The following PLTP variants were observed in gnomAD, a reference collection of about 807,000 sequenced individuals.
PLTP encodes phospholipid transfer protein, also known as BPI fold containing family E.
A neutral mutation model predicts 54.1 loss-of-function variants in PLTP; 43 were observed. The ratio of observed to expected loss-of-function variants is 0.79; its 90% CI spans 0.62 to 1.02. The LOEUF (loss-of-function observed/expected upper bound fraction) is 1.02. PLTP is among the 50% of genes least tolerant of loss of function. The pLI is 0.00. For missense variants in PLTP, 604 were observed against 645.9 expected, an observed-to-expected ratio of 0.94 and a Z score of 0.70; for synonymous variants, 263 against 264.6, an observed-to-expected ratio of 0.99 and a Z score of 0.06.
chr20:45,905,009 A>G lies in PLTP; in HGVS notation c.815T>C (p.Phe272Ser). The change falls in exon 9 of 16, where the codon TTC (phenylalanine) becomes TCC (serine). Residue 272 changes from phenylalanine to serine, a missense_variant. Physicochemically the swap from Phe to Ser is radical, Grantham distance 155. Coordinates refer to ENST00000372431, the MANE Select transcript of PLTP (RefSeq NM_006227.4). ...RMVYVAFSEF[F>S]FDSAMESYFR... ...GTAGCTCTCCATGGCAGAGTCGAAG[A>G]AGAACTCAGAGAAGGCCACATACAC... 6.2e-7 allele frequency: 1 copy of G among 1,614,164 alleles called. No homozygotes were observed. The highest frequency in any genetic ancestry group is 8.5e-7 in the Non-Finnish European group (1 of 1,180,028).
intron 2 of PLTP, 29 bp from the exon 3 acceptor site, chr20:45,911,280 C>G: frequency 6.2e-7 from 1 of 1,613,692 alleles, no homozygotes; most frequent in Non-Finnish European, 8.5e-7. Flanking sequence ...CCTTACTTAG[C>G]TCCCGTGCCC....
At chr20:45,899,111 C>G in intron 15 of PLTP, 48 bp from the exon 16 acceptor site, 1 of 1,612,358 alleles carries the variant, frequency 6.2e-7, no homozygotes, top group Non-Finnish European at 8.5e-7. Context: ...GTTATTGAGG[C>G]CAGAGTTTAG....
rs751424891 is a variant in PLTP, at chr20:45,906,269, C to T, written c.704G>A (p.Arg235Gln). The T allele has an allele frequency of 2.6e-5, 42 of 1,609,030 alleles. No homozygotes were observed. Among genetic ancestry groups the T allele is most frequent in the Non-Finnish European group, 3.1e-5 (36 of 1,175,464 alleles). Residue 235 changes from arginine to glutamine, a missense_variant and splice_region_variant, in exon 8 of 16, where the codon CGG becomes CAG. Arg to Gln is a conservative substitution (Grantham distance 43). Transcript: ENST00000372431. ...ASTSNLDMDFRGAFFPLTERN... is the reference protein window; with the variant it reads ...ASTSNLDMDFQGAFFPLTERN... Reference sequence around the variant, plus strand: ...CATACACCAGCCCAAGCAGCTCACCCGGAAGTCCATGTCCAGGTTGCTGGT... The same window carrying T: ...CATACACCAGCCCAAGCAGCTCACCTGGAAGTCCATGTCCAGGTTGCTGGT...
intron 13 of PLTP, 24 bp downstream of exon 13, chr20:45,899,812 G>GGGCCCCCC: frequency 3.2e-6 from 1 of 309,346 alleles, no homozygotes; most frequent in Non-Finnish European, 6.2e-6. Context: ...ACCCAGCCCA[G>GGGCCCCCC]CCCACCCACC....
At chr20:45,902,640 G>T in intron 10 of PLTP, 36 bp from the exon 11 acceptor site, 2 of 1,552,660 alleles carry the variant, frequency 1.3e-6, no homozygotes, top group Non-Finnish European at 1.7e-6. Context: ...TCAAGTCCCT[G>T]CCATTTCCTT....
intron 6 of PLTP, 24 bp from the exon 7 acceptor site, chr20:45,907,779 G>A: frequency 6.2e-7 from 1 of 1,612,308 alleles, no homozygotes; most frequent in Non-Finnish European, 8.5e-7. Context: ...GCCAGAGTCA[G>A]GGCCTTCTCA....
chr20:45,901,228 C>T (rs1251386168), intron 12 of PLTP, among the ~76,000 whole-genome samples: 2 of 152,010 alleles, frequency 1.3e-5, no homozygotes, highest in Non-Finnish European at 2.9e-5. Context: ...TAGTATCTAC[C>T]ATATTGGATA....
Position 45,899,816 on chromosome 20 carries a change from A to G in PLTP, c.1218+20T>C. The G allele has an allele frequency of 5.9e-5, 9 of 152,276 alleles. No individual in the cohort carries two copies. Among genetic ancestry groups the G allele is most frequent in the Non-Finnish European group, 1.1e-4 (9 of 84,250 alleles). 9.4% of individuals were successfully genotyped at this position (152,276 alleles called of 1,614,324 possible). ...GGATCTCACGAACCCAGCCCAGCCC[A>G]CCCACCCTTCCCCACTCACAGCCAG... On this transcript the variant is annotated intron_variant, in intron 13 of 15. Transcript: ENST00000372431.
chr20:45,902,510 A>G lies in PLTP; in HGVS notation c.1037T>C (p.Val346Ala), dbSNP rs1426188535. Reference sequence around the variant, plus strand: ...CAGGGCAATGGTGACGCTAGCAGTGACAGAGATGGTGGTGCCAGAGGGCTT... The same window carrying G: ...CAGGGCAATGGTGACGCTAGCAGTGGCAGAGATGGTGGTGCCAGAGGGCTT... Reference protein sequence around the residue: ...TIKPSGTTISVTASVTIALVP... With the variant: ...TIKPSGTTISATASVTIALVP... Residue 346 changes from valine to alanine, a missense_variant, in exon 11 of 16, where the codon GTC (valine) becomes GCC (alanine). Transcript: ENST00000372431. 1 of 1,614,196 alleles carries G rather than the reference A, an allele frequency of 6.2e-7. No individual in the cohort carries two copies. The highest frequency in any genetic ancestry group is 1.1e-5 in the South Asian group (1 of 91,090).
At position 45,907,886 on chromosome 20, in the gene PLTP, G is replaced by A; in HGVS notation, c.504C>T (p.Leu168=). Residue 168 remains leucine, a synonymous_variant, in exon 6 of 16, where the codon CTC becomes CTT. Transcript: ENST00000372431. ...GGTFKKVYDF[L]STFITSGMRF... ...GCATCCCTGAGGTGATGAACGTGGAGAGAAAATCATACACCTTCCTGTGAG... is the reference window on the plus strand; with the variant it reads ...GCATCCCTGAGGTGATGAACGTGGAAAGAAAATCATACACCTTCCTGTGAG... 6.3e-7 allele frequency: 1 copy of A among 1,585,392 alleles called. No homozygotes were observed. Among genetic ancestry groups the A allele is most frequent in the Non-Finnish European group, 8.6e-7 (1 of 1,166,268 alleles).
chr20:45,909,377 G>A lies in PLTP; in HGVS notation c.485+139C>T, dbSNP rs11569638. ...CACCAAGCTTCAGTGACTTGGCCAC[G>A]TTCACACAGCCAGGAAGTGACAGAG... is the stretch of plus-strand genomic sequence containing the variant. On this transcript the variant is annotated intron_variant, in intron 5 of 15. Coordinates refer to ENST00000372431, the MANE Select transcript of PLTP (RefSeq NM_006227.4). 5.0e-3 allele frequency: 4,239 copies of A among 854,886 alleles called. 173 individuals carry two copies. The African/African-American group carries it at 0.064, about 13-fold the overall frequency. The allele number at this position is 854,886 out of a possible 1,614,324, so 53.0% of individuals were successfully genotyped here.
intron 8 of PLTP, 135 bp downstream of exon 8, chr20:45,906,133 C>G (rs373147886): frequency 1.5e-5 from 11 of 724,760 alleles, no homozygotes; most frequent in African/African-American, 1.4e-4. Flanking sequence ...TCTGTAGTAA[C>G]AGGGAGCCAT....
intron 1 of PLTP, chr20:45,911,794 A>AT: frequency 2.3e-6 from 1 of 426,830 alleles, no homozygotes; most frequent in South Asian, 2.1e-5. Flanking sequence ...CGGTGGGCCC[A>AT]TGCAGGCTTG....
Position 45,904,869 on chromosome 20 carries a change from G to A in PLTP, c.883-10C>T. On this transcript the variant is annotated splice_polypyrimidine_tract_variant and intron_variant, in intron 9 of 15. Transcript: ENST00000372431. Reference sequence around the variant, plus strand: ...CCAGGTCGTGGGGCACCTGAACAGGGGAATCAGGAGTGAGGGAGTGAGCTC... The same window carrying A: ...CCAGGTCGTGGGGCACCTGAACAGGAGAATCAGGAGTGAGGGAGTGAGCTC... The A allele has an allele frequency of 6.2e-7, 1 of 1,614,206 alleles. No individual in the cohort carries two copies. Among genetic ancestry groups the A allele is most frequent in the Non-Finnish European group, 8.5e-7 (1 of 1,180,010 alleles).
In PLTP at chr20:45,899,514, A is replaced by T. The variant is rs752972129; in HGVS notation, c.1307T>A (p.Ile436Asn). The change falls in exon 15 of 16, where the codon ATC becomes AAC. Residue 436 changes from isoleucine (I) to asparagine (N), a missense_variant. Coordinates refer to ENST00000372431, the MANE Select transcript of PLTP (RefSeq NM_006227.4). ...LNERTWRGVQ[I>N]PLPEGINFVH... ...AAAGTTGATGCCCTCAGGTAGTGGG[A>T]TCTGCACCCCACGCCAGGTCCGCTC... 14 of 1,613,912 alleles carry T rather than the reference A, an allele frequency of 8.7e-6. No individual in the cohort carries two copies. Among genetic ancestry groups the T allele is most frequent in the Non-Finnish European group, 1.0e-5 (12 of 1,180,004 alleles).
At chr20:45,909,284 T>C (rs1209546411) in intron 5 of PLTP, among the ~76,000 whole-genome samples, 2 of 150,876 alleles carry the variant, frequency 1.3e-5, no homozygotes, top group Non-Finnish European at 2.9e-5. Context: ...ATTTTTTACA[T>C]ATACCAACAC....
At chr20:45,909,092 G>A (rs1464552307) in intron 5 of PLTP, among the ~76,000 whole-genome samples, 3 of 150,296 alleles carry the variant, frequency 2.0e-5, no homozygotes, top group Admixed American at 6.7e-5. Context: ...AGCCTCCCAC[G>A]TAGCTGGGAC....
intron 15 of PLTP, 31 bp downstream of exon 15, chr20:45,899,431 C>G: frequency 6.2e-7 from 1 of 1,600,966 alleles, no homozygotes; most frequent in Non-Finnish European, 8.6e-7. Flanking sequence ...GGGGAAGGCC[C>G]TCCCTCCTTC....
At chr20:45,902,359 GTTA>G in intron 11 of PLTP, 25 bp from the exon 12 acceptor site, 1 of 1,614,154 alleles carries the variant, frequency 6.2e-7, no homozygotes, top group Non-Finnish European at 8.5e-7. Context: ...GGAGGAGGAT[GTTA>G]CTGACCCAGA....
Sources: gnomAD v4.1 joint callset for allele counts (sites outside exome capture counted in the v4.1 genomes callset) on GRCh38, gnomAD v4.1.1 for gene constraint, MANE v1.5 for transcripts, NCBI Gene and HGNC (gene_info 2026-07-23, HGNC 2026-07-21) for gene names.